MCU: variants seen among roughly 807,000 people sequenced by gnomAD.
MCU encodes the protein mitochondrial calcium uniporter, also known as calcium uniporter protein, mitochondrial.
A neutral mutation model predicts 45.2 loss-of-function variants in MCU; 12 were observed. The ratio of observed to expected loss-of-function variants is 0.27; its 90% confidence interval spans 0.17 to 0.43. MCU has a LOEUF of 0.43. Among genes scored for constraint, MCU ranks in the 20% least tolerant of loss-of-function variants. The pLI, the probability that MCU is intolerant of heterozygous loss-of-function variation, is 1.00. For missense variants in MCU, 324 were observed against 436.7 expected (o/e 0.74, Z 2.30); for synonymous variants, 160 against 165.1 (o/e 0.97, Z 0.24).
intron 1 of MCU, among the ~76,000 whole-genome samples, chr10:72,799,216 GCCCGGCCTCAAC>G (rs1844300110): frequency 1.3e-5 from 2 of 152,196 alleles, no homozygotes; most frequent in Non-Finnish European, 2.9e-5. Flanking sequence ...GAGCCATCAC[GCCCGGCCTCAAC>G]CTGATTCTTT....
chr10:72,777,839 G>T (rs1381535903), intron 1 of MCU, among the ~76,000 whole-genome samples: 30 of 152,230 alleles, frequency 2.0e-4, no homozygotes, highest in Admixed American at 2.0e-3. Context: ...CAACCCAATA[G>T]CAGAATAACA....
Position 72,865,306 on chromosome 10 carries a change from C to T in MCU, c.497-3397C>T, listed in dbSNP as rs74145978. ...TCTAGAAGTAAATTAGGGTATAAAG[C>T]TTGCAAGGGTCAAAAATCTGTAATT... On this transcript the variant is annotated intron_variant, in intron 4 of 7. Transcript: ENST00000373053. Among the ~76,000 whole-genome samples the T allele has an allele frequency of 5.2e-3, 799 of 152,216 alleles. 7 individuals are homozygous for T. The highest frequency in any genetic ancestry group is 0.018 in the African/African-American group (765 of 41,540).
chr10:72,868,165 A>G (rs1845486256), intron 4 of MCU, among the ~76,000 whole-genome samples: 1 of 152,152 alleles, frequency 6.6e-6, no homozygotes, highest in Non-Finnish European at 1.5e-5. Context: ...TAGACTTCCA[A>G]GAATATAATG....
intron 1 of MCU, among the ~76,000 whole-genome samples, chr10:72,789,796 G>A (rs575523087): frequency 6.6e-6 from 1 of 152,150 alleles, no homozygotes; most frequent in East Asian, 1.9e-4. Context: ...CCTTCCTGGG[G>A]TTCTGAAATT....
At chr10:72,785,294 C>G (rs577902175) in intron 1 of MCU, among the ~76,000 whole-genome samples, 1 of 152,168 alleles carries the variant, frequency 6.6e-6, no homozygotes, top group Non-Finnish European at 1.5e-5. Context: ...CTTTCTCTTT[C>G]CCTGCTTCTG....
chr10:72,777,223 A>G (rs559096204), intron 1 of MCU, among the ~76,000 whole-genome samples: 1 of 152,370 alleles, frequency 6.6e-6, no homozygotes, highest in South Asian at 2.1e-4. Context: ...ATATGGAATT[A>G]CAAAAGACCT....
In MCU at chr10:72,704,704, A is replaced by ACTTTTT. The variant is rs1435890480; in HGVS notation, c.150+12403_150+12404insCTTTTT. Among the ~76,000 whole-genome samples, 7 of 106,746 alleles carry ACTTTTT rather than the reference A, an allele frequency of 6.6e-5. 1 individual carries two copies. The highest frequency in any genetic ancestry group is 2.0e-4 in the Admixed American group (2 of 10,042). The allele number at this position is 106,746 out of a possible 152,430, so 70.0% of individuals were successfully genotyped here. A position where few individuals can be genotyped will look rare whatever the true frequency, so the allele number is the denominator to read the frequency against. On this transcript the variant is annotated intron_variant, in intron 1 of 7. Transcript: ENST00000373053. ...AGGCATGCACTGTCATGCCTGGATA[A>ACTTTTT]TTTTTTTTTTTTTTTTTTTTTTTTT... is the stretch of plus-strand genomic sequence containing the variant.
intron 1 of MCU, among the ~76,000 whole-genome samples, chr10:72,774,909 TTAG>T (rs1843867571): frequency 6.6e-6 from 1 of 152,116 alleles, no homozygotes. Context: ...AAAGCCAATG[TTAG>T]TAGATCTAAA....
intron 1 of MCU, chr10:72,692,730 CT>C: frequency 7.8e-7 from 1 of 1,277,226 alleles, no homozygotes; most frequent in Non-Finnish European, 9.9e-7. Flanking sequence ...CCGCGGCCGC[CT>C]TGTGTGTGCC....
chr10:72,850,458 A>G (rs1589495607), intron 2 of MCU, among the ~76,000 whole-genome samples: 1 of 152,320 alleles, frequency 6.6e-6, no homozygotes, highest in South Asian at 2.1e-4. Context: ...CAAGATATAT[A>G]CAGGTGATAT....
At chr10:72,859,702 C>T (rs1449636457) in intron 3 of MCU, among the ~76,000 whole-genome samples, 1 of 152,038 alleles carries the variant, frequency 6.6e-6, no homozygotes, top group African/African-American at 2.4e-5. Context: ...AAACCCTCAT[C>T]TCTGGAAAGA....
chr10:72,750,513 A>G (rs528652629), intron 1 of MCU, among the ~76,000 whole-genome samples: 2 of 152,324 alleles, frequency 1.3e-5, no homozygotes, highest in African/African-American at 4.8e-5. Flanking sequence ...TGAGGGAGAT[A>G]TCCTAGCATT....
At chr10:72,862,537 G>T (rs972016133) in intron 4 of MCU, among the ~76,000 whole-genome samples, 2 of 152,074 alleles carry the variant, frequency 1.3e-5, no homozygotes, top group African/African-American at 4.8e-5. Flanking sequence ...CATAAGAAGC[G>T]CACAACCTAG....
intron 1 of MCU, among the ~76,000 whole-genome samples, chr10:72,739,009 CAT>C (rs1202398675): frequency 6.6e-6 from 1 of 152,232 alleles, no homozygotes; most frequent in Non-Finnish European, 1.5e-5. Context: ...GAGCCAAAAA[CAT>C]ATTTGGTTAT....
intron 1 of MCU, among the ~76,000 whole-genome samples, chr10:72,701,347 C>T (rs1246466968): frequency 6.6e-6 from 1 of 152,174 alleles, no homozygotes; most frequent in Non-Finnish European, 1.5e-5. Flanking sequence ...GCTAGGGATG[C>T]ACTGAAAGGC....
intron 2 of MCU, among the ~76,000 whole-genome samples, chr10:72,837,587 G>T (rs1020694671): frequency 1.3e-5 from 2 of 152,136 alleles, no homozygotes; most frequent in Admixed American, 6.5e-5. Flanking sequence ...AGTGGTTGTG[G>T]TAGTGCTAAA....
At chr10:72,751,341 C>CTTCTT (rs1474252109) in intron 1 of MCU, among the ~76,000 whole-genome samples, 1 of 44,742 alleles carries the variant, frequency 2.2e-5, no homozygotes, top group African/African-American at 8.4e-5. Flanking sequence ...TCTTCTTCTT[C>CTTCTT]TTTTTTTTTT....
chr10:72,780,511 A>AGTGTGTGTGTGT (rs60306247), intron 1 of MCU, among the ~76,000 whole-genome samples: 10,832 of 110,482 alleles, frequency 0.098, 834 homozygotes, highest in Middle Eastern at 0.14. Flanking sequence ...TCTTTGGCTA[A>AGTGTGTGTGTGT]GTGTGTGTGT....
At chr10:72,705,892 T>C (rs1842813564) in intron 1 of MCU, among the ~76,000 whole-genome samples, 1 of 150,928 alleles carries the variant, frequency 6.6e-6, no homozygotes, top group Non-Finnish European at 1.5e-5. Context: ...GAGGCAGGAG[T>C]ATCTCACTTG....
Sources: gnomAD v4.1 joint callset for allele counts (sites outside exome capture counted in the v4.1 genomes callset) on GRCh38, gnomAD v4.1.1 for gene constraint, MANE v1.5 for transcripts, NCBI Gene and HGNC (gene_info 2026-07-23, HGNC 2026-07-21) for gene names.